LATS2: variants seen among roughly 807,000 people sequenced by gnomAD.
LATS2 encodes serine/threonine-protein kinase LATS2.
In LATS2, 24 loss-of-function variants were observed where a neutral mutation model predicts 76.0. That is an observed-to-expected ratio of 0.32 (90% CI 0.23 to 0.44). The LOEUF (loss-of-function observed/expected upper bound fraction) is 0.44. Ranked by LOEUF, LATS2 falls within the 20% of genes least tolerant of loss-of-function variation. The pLI is 1.00. For synonymous variants in LATS2, 692 were observed against 635.4 expected, an observed-to-expected ratio of 1.09 and a Z score of -1.34; for missense variants, 1,286 against 1,481.2, an observed-to-expected ratio of 0.87 and a Z score of 2.16.
intron 2 of LATS2, among the ~76,000 whole-genome samples, chr13:21,003,877 A>T (rs1289372252): frequency 6.6e-6 from 1 of 152,132 alleles, no homozygotes; most frequent in Non-Finnish European, 1.5e-5. Flanking sequence ...CCTGGCCAGG[A>T]GTGTCTTTTT....
chr13:21,050,927 T>C (rs2138413299), intron 1 of LATS2, among the ~76,000 whole-genome samples: 1 of 152,332 alleles, frequency 6.6e-6, no homozygotes, highest in East Asian at 1.9e-4. Flanking sequence ...CATGCCATGA[T>C]ACCACAGCCA....
At chr13:21,035,698 T>C (rs9509493) in intron 2 of LATS2, among the ~76,000 whole-genome samples, 5,381 of 152,222 alleles carry the variant, frequency 0.035, 126 homozygotes, top group Non-Finnish European at 0.059. Flanking sequence ...ATAGCCCACA[T>C]AAAAAATGCT....
chr13:20,974,728 T>TGAAGA lies in LATS2; in HGVS notation c.*137_*141dup, dbSNP rs879039577. On this transcript the variant is annotated 3_prime_UTR_variant, in exon 8 of 8. Coordinates refer to ENST00000382592, the MANE Select transcript of LATS2 (RefSeq NM_014572.3). ...AAGTGTCCTGTTTGGGTTTTCTTGGTGAAGAGCAGAATTTCAAGTGAAGTA... is the reference window on the plus strand; with the variant it reads ...AAGTGTCCTGTTTGGGTTTTCTTGGTGAAGAGAAGAGCAGAATTTCAAGTGAAGTA... 1.1e-6 allele frequency: 1 copy of TGAAGA among 881,688 alleles called. No homozygotes were observed. Among genetic ancestry groups the TGAAGA allele is most frequent in the South Asian group, 1.8e-5 (1 of 54,556 alleles). 54.6% of individuals were successfully genotyped at this position (881,688 alleles called of 1,614,324 possible).
chr13:21,007,727 ATATATATAG>A (rs1274506873), intron 2 of LATS2, among the ~76,000 whole-genome samples: 1 of 5,432 alleles, frequency 1.8e-4, no homozygotes, highest in African/African-American at 4.9e-4. Flanking sequence ...TATATAGTAT[ATATATATAG>A]TATATATATA....
At chr13:21,060,932 G>A (rs1434210385) in intron 1 of LATS2, among the ~76,000 whole-genome samples, 1 of 151,566 alleles carries the variant, frequency 6.6e-6, no homozygotes, top group East Asian at 2.0e-4. Flanking sequence ...AGCGGAAGCA[G>A]AGGCGCGCCC....
chr13:21,007,148 A>C (rs2138329503), intron 2 of LATS2, among the ~76,000 whole-genome samples: 1 of 152,284 alleles, frequency 6.6e-6, no homozygotes, highest in Middle Eastern at 3.4e-3. Flanking sequence ...TTTCTGAAAA[A>C]GTTACAGTGT....
intron 2 of LATS2, among the ~76,000 whole-genome samples, chr13:20,993,160 C>G (rs1400548020): frequency 6.6e-6 from 1 of 152,104 alleles, no homozygotes; most frequent in East Asian, 1.9e-4. Flanking sequence ...AGCCACTCCG[C>G]AGAGAGAGAT....
intron 7 of LATS2, among the ~76,000 whole-genome samples, chr13:20,979,169 T>C (rs1286798384): frequency 6.6e-6 from 1 of 152,206 alleles, no homozygotes; most frequent in Non-Finnish European, 1.5e-5. Flanking sequence ...CTAATACATA[T>C]AAAATACAAA....
intron 2 of LATS2, among the ~76,000 whole-genome samples, chr13:21,018,659 C>G (rs1871908369): frequency 6.6e-6 from 1 of 151,664 alleles, no homozygotes; most frequent in South Asian, 2.1e-4. Context: ...CTCAGAGTCC[C>G]TCTTTTTTTT....
At chr13:20,977,580 CTAAAA>C (rs998800389) in intron 7 of LATS2, among the ~76,000 whole-genome samples, 4 of 149,814 alleles carry the variant, frequency 2.7e-5, no homozygotes, top group African/African-American at 9.9e-5. Context: ...GAATTATACA[CTAAAA>C]TAATTAAAAA....
rs1373749491 is a variant in LATS2, at chr13:20,989,183, G to A, written c.597C>T (p.Asp199=). Residue 199 remains aspartate, a synonymous_variant, in exon 4 of 8, where the codon GAC becomes GAT. Coordinates refer to ENST00000382592, the MANE Select transcript of LATS2 (RefSeq NM_014572.3). The part of the protein sequence containing the change: ...TPYEGPSFGA[D]GPTALEEMPR... Reference sequence around the variant, plus strand: ...GCATCTCCTCCAGCGCCGTGGGGCCGTCAGCGCCGAAGCTTGGGCCCTCGT... The same window carrying A: ...GCATCTCCTCCAGCGCCGTGGGGCCATCAGCGCCGAAGCTTGGGCCCTCGT... The A allele has an allele frequency of 3.1e-6, 5 of 1,613,434 alleles. No homozygotes were observed. Among genetic ancestry groups the A allele is most frequent in the East Asian group, 4.5e-5 (2 of 44,880 alleles).
chr13:21,054,386 C>A (rs1284973600), intron 1 of LATS2, among the ~76,000 whole-genome samples: 1 of 151,982 alleles, frequency 6.6e-6, no homozygotes, highest in Non-Finnish European at 1.5e-5. Flanking sequence ...CCAGCCTAGG[C>A]AACAGAGCAA....
chr13:21,004,434 C>CAAAA (rs11423103), intron 2 of LATS2, among the ~76,000 whole-genome samples: 1 of 108,498 alleles, frequency 9.2e-6, no homozygotes, highest in Non-Finnish European at 2.1e-5. Context: ...AACACTGTCT[C>CAAAA]AAAAAAAAAA....
rs145000849 is a variant in LATS2 at position 21,021,668 on chromosome 13, A to G, written c.342+24017T>C. Reference sequence around the variant, plus strand: ...CCCATGGTCAGCAGCTTAATTTTTGAAGAATTGAGGACACCTTCCCAACCA... The same window carrying G: ...CCCATGGTCAGCAGCTTAATTTTTGGAGAATTGAGGACACCTTCCCAACCA... On this transcript the variant is annotated intron_variant, in intron 2 of 7. Transcript: ENST00000382592. Among the ~76,000 whole-genome samples, 142 of 152,230 alleles carry G rather than the reference A, an allele frequency of 9.3e-4. 2 individuals are homozygous for G. The highest frequency in any genetic ancestry group is 3.1e-3 in the African/African-American group (127 of 41,546).
At chr13:20,978,451 A>G (rs1271323424) in intron 7 of LATS2, among the ~76,000 whole-genome samples, 1 of 152,182 alleles carries the variant, frequency 6.6e-6, no homozygotes, top group African/African-American at 2.4e-5. Flanking sequence ...GTATTAAATG[A>G]CTGACAATTA....
chr13:20,984,121 A>G (rs1029491047), intron 4 of LATS2, among the ~76,000 whole-genome samples: 6 of 152,278 alleles, frequency 3.9e-5, no homozygotes, highest in Admixed American at 2.0e-4. Flanking sequence ...TTTAGTAGAA[A>G]CAGCGTTTCA....
chr13:21,023,723 C>T lies in LATS2; in HGVS notation c.342+21962G>A, dbSNP rs138288315. Reference sequence around the variant, plus strand: ...GCGCAGTGGCTGACGCCTGTAATTCCAGCACTTTGGGAGGCTGAGCCGCGT... The same window carrying T: ...GCGCAGTGGCTGACGCCTGTAATTCTAGCACTTTGGGAGGCTGAGCCGCGT... On this transcript the variant is annotated intron_variant, in intron 2 of 7. Coordinates refer to ENST00000382592, the MANE Select transcript of LATS2 (RefSeq NM_014572.3). Among the ~76,000 whole-genome samples the T allele has an allele frequency of 1.4e-3, 194 of 142,084 alleles. 1 individual carries two copies. Among genetic ancestry groups the T allele is most frequent in the African/African-American group, 4.8e-3 (178 of 37,060 alleles). 93.2% of individuals were successfully genotyped at this position (142,084 alleles called of 152,430 possible). A position where few individuals can be genotyped will look rare whatever the true frequency, so the allele number is the denominator to read the frequency against.
intron 2 of LATS2, among the ~76,000 whole-genome samples, chr13:21,025,242 A>T (rs979403196): frequency 1.3e-5 from 2 of 150,586 alleles, no homozygotes; most frequent in African/African-American, 4.9e-5. Context: ...AAATACAAAA[A>T]TTAGACGGGT....
chr13:20,985,302 A>C (rs144792361), intron 4 of LATS2, among the ~76,000 whole-genome samples: 91 of 152,364 alleles, frequency 6.0e-4, no homozygotes, highest in African/African-American at 2.2e-3. Flanking sequence ...CTGCAGAGCA[A>C]AGGAAACAAC....
Sources: gnomAD v4.1 joint callset for allele counts (sites outside exome capture counted in the v4.1 genomes callset) on GRCh38, gnomAD v4.1.1 for gene constraint, MANE v1.5 for transcripts, NCBI Gene and HGNC (gene_info 2026-07-23, HGNC 2026-07-21) for gene names.